The following WASL variants were observed in gnomAD, a reference collection of about 807,000 sequenced individuals.
WASL encodes the protein WASP like actin nucleation promoting factor.
Under a neutral mutation model 55.5 loss-of-function variants are expected in WASL, and 20 were observed. That is an observed-to-expected ratio of 0.36 (90% CI 0.25 to 0.52). WASL has a LOEUF of 0.52. WASL is among the 20% of genes least tolerant of loss of function. WASL has a pLI of 0.92. For synonymous variants in WASL, 249 were observed against 217.6 expected, an observed-to-expected ratio of 1.14 and a Z score of -1.27; for missense variants, 504 against 622.5, an observed-to-expected ratio of 0.81 and a Z score of 2.03.
intron 1 of WASL, among the ~76,000 whole-genome samples, chr7:123,726,542 TA>T (rs909264802): frequency 6.6e-6 from 1 of 151,816 alleles, no homozygotes; most frequent in Non-Finnish European, 1.5e-5. Context: ...TCACCAAAAC[TA>T]AAAAATCCTG....
At chr7:123,735,455 C>T (rs1019533887) in intron 1 of WASL, among the ~76,000 whole-genome samples, 1 of 150,698 alleles carries the variant, frequency 6.6e-6, no homozygotes, top group African/African-American at 2.4e-5. Flanking sequence ...TGATAGGAGA[C>T]AGGACATTAG....
intron 1 of WASL, among the ~76,000 whole-genome samples, chr7:123,724,946 A>G (rs1164312622): frequency 6.6e-6 from 1 of 152,208 alleles, no homozygotes; most frequent in African/African-American, 2.4e-5. Flanking sequence ...GGCAAAAAAA[A>G]GCATACCAAA....
intron 1 of WASL, among the ~76,000 whole-genome samples, chr7:123,747,579 A>C (rs1804454899): frequency 6.6e-6 from 1 of 152,176 alleles, no homozygotes; most frequent in African/African-American, 2.4e-5. Context: ...GGAGTTATAA[A>C]ATGGTATTGC....
chr7:123,702,270 G>T (rs1217504604), intron 5 of WASL, among the ~76,000 whole-genome samples: 1 of 152,018 alleles, frequency 6.6e-6, no homozygotes, highest in African/African-American at 2.4e-5. Context: ...TGGCCAGGCT[G>T]GTCTTGAACT....
At chr7:123,699,409 T>C (rs1203751547) in intron 5 of WASL, among the ~76,000 whole-genome samples, 1 of 152,018 alleles carries the variant, frequency 6.6e-6, no homozygotes, top group Non-Finnish European at 1.5e-5. Context: ...AATTAGGCAC[T>C]CTCTTTATTC....
At chr7:123,699,046 T>C (rs1311573083) in intron 5 of WASL, among the ~76,000 whole-genome samples, 6 of 152,204 alleles carry the variant, frequency 3.9e-5, no homozygotes, top group Non-Finnish European at 8.8e-5. Context: ...TATCTTTATA[T>C]CTTAATAAAA....
At chr7:123,689,328 T>A (rs1803356447) in intron 9 of WASL, among the ~76,000 whole-genome samples, 178 bp from the exon 10 acceptor site, 1 of 152,344 alleles carries the variant, frequency 6.6e-6, no homozygotes, top group African/African-American at 2.4e-5. Context: ...GCCTTAAAGA[T>A]ATTATTCAAA....
In WASL at chr7:123,695,719, C is replaced by A; in HGVS notation, c.672+104G>T. 3.5e-6 allele frequency: 4 copies of A among 1,145,778 alleles called. No homozygotes were observed. The South Asian group carries it at 5.7e-5, about 16-fold the overall frequency. 71.0% of individuals were successfully genotyped at this position (1,145,778 alleles called of 1,614,324 possible). ...TACATACATAAAACACAAGCACATT[C>A]AAACAGATACTAGAAACCACAAAAA... On this transcript the variant is annotated intron_variant, in intron 7 of 10. Coordinates refer to ENST00000223023, the MANE Select transcript of WASL (RefSeq NM_003941.4).
chr7:123,726,844 C>T (rs779142224), intron 1 of WASL, among the ~76,000 whole-genome samples: 10 of 151,756 alleles, frequency 6.6e-5, no homozygotes, highest in Non-Finnish European at 1.3e-4. Flanking sequence ...CCAGCCTGGG[C>T]GACAGAGTGA....
chr7:123,697,363 A>T (rs1317625046), intron 5 of WASL, among the ~76,000 whole-genome samples: 1 of 152,222 alleles, frequency 6.6e-6, no homozygotes, highest in Non-Finnish European at 1.5e-5. Flanking sequence ...TTGTGCAAGA[A>T]TCAACAGTAA....
intron 7 of WASL, 23 bp downstream of exon 7, chr7:123,695,798 GTA>G (rs1360761936): frequency 2.5e-6 from 4 of 1,608,212 alleles, no homozygotes; most frequent in Non-Finnish European, 2.6e-6. Flanking sequence ...CAGTTATAAC[GTA>G]TATGATTTGA....
At chr7:123,701,614 A>G (rs529824309) in intron 5 of WASL, among the ~76,000 whole-genome samples, 1 of 152,318 alleles carries the variant, frequency 6.6e-6, no homozygotes, top group East Asian at 1.9e-4. Context: ...AAATTTGAAA[A>G]GGTGTGGTAA....
chr7:123,712,297 T>TA (rs1253979168), intron 1 of WASL, among the ~76,000 whole-genome samples: 1 of 152,184 alleles, frequency 6.6e-6, no homozygotes, highest in Non-Finnish European at 1.5e-5. Context: ...CATAAGCACT[T>TA]AAAGTAGTTC....
intron 5 of WASL, among the ~76,000 whole-genome samples, chr7:123,704,279 C>T (rs925389411): frequency 3.3e-5 from 5 of 152,076 alleles, no homozygotes; most frequent in African/African-American, 1.2e-4. Context: ...AAATGTACTG[C>T]CTCTAGGAAA....
intron 1 of WASL, among the ~76,000 whole-genome samples, chr7:123,746,233 G>A (rs574994256): frequency 2.0e-5 from 3 of 152,324 alleles, no homozygotes; most frequent in African/African-American, 7.2e-5. Flanking sequence ...CTGAGGACAA[G>A]TATCAGCCCT....
At chr7:123,734,230 A>T (rs1362892144) in intron 1 of WASL, among the ~76,000 whole-genome samples, 1 of 152,174 alleles carries the variant, frequency 6.6e-6, no homozygotes, top group Non-Finnish European at 1.5e-5. Context: ...TACATGTGAA[A>T]CACACAGCTG....
intron 3 of WASL, 48 bp downstream of exon 3, chr7:123,706,692 C>T: frequency 7.7e-7 from 1 of 1,296,702 alleles, no homozygotes; most frequent in Admixed American, 2.4e-5. Flanking sequence ...TTAGAAAAGG[C>T]AAGCAATGAA....
chr7:123,709,026 A>T (rs1367231764), intron 2 of WASL, 63 bp downstream of exon 2: 1 of 1,441,116 alleles, frequency 6.9e-7, no homozygotes, highest in African/African-American at 1.4e-5. Context: ...AATCTAAACT[A>T]AATTATAATT....
intron 10 of WASL, among the ~76,000 whole-genome samples, chr7:123,687,615 G>A (rs1325763838): frequency 1.3e-5 from 2 of 151,976 alleles, no homozygotes; most frequent in Non-Finnish European, 2.9e-5. Context: ...TCAACAGTCT[G>A]CCCCCTATTT....
Sources: gnomAD v4.1 joint callset for allele counts (sites outside exome capture counted in the v4.1 genomes callset) on GRCh38, gnomAD v4.1.1 for gene constraint, MANE v1.5 for transcripts, NCBI Gene and HGNC (gene_info 2026-07-23, HGNC 2026-07-21) for gene names.